The following DNM3 variants were observed in gnomAD, a reference collection of about 807,000 sequenced individuals.
DNM3 encodes dynamin 3, also known as dynamin-3.
A neutral mutation model predicts 101.6 loss-of-function variants in DNM3; 47 were observed. The observed-to-expected ratio is 0.46, with a 90% confidence interval of 0.37 to 0.59. The LOEUF (loss-of-function observed/expected upper bound fraction) is 0.59, where lower values mean the gene tolerates loss of function less well. Ranked by LOEUF, DNM3 falls within the 20% of genes least tolerant of loss-of-function variation. DNM3 has a pLI of 0.00. For missense variants in DNM3, 849 were observed against 1,085.7 expected (o/e 0.78, Z 3.06); for synonymous variants, 385 against 387.9 (o/e 0.99, Z 0.09).
intron 4 of DNM3, among the ~76,000 whole-genome samples, chr1:171,990,068 T>C (rs1430950641): frequency 6.6e-6 from 1 of 152,284 alleles, no homozygotes; most frequent in African/African-American, 2.4e-5. Context: ...ATATTTTTAC[T>C]TTGTGAATCT....
intron 17 of DNM3, among the ~76,000 whole-genome samples, chr1:172,329,755 G>C (rs1384713544): frequency 6.6e-6 from 1 of 151,950 alleles, no homozygotes; most frequent in Non-Finnish European, 1.5e-5. Context: ...TATTAAAAAA[G>C]CTAAAACAAA....
chr1:172,418,227 G>GC (rs1008425726), intron 20 of DNM3: 2 of 1,237,656 alleles, frequency 1.6e-6, no homozygotes, highest in Admixed American at 4.8e-5. Context: ...TTCTTCCTCT[G>GC]CATCTGTGTC....
At chr1:172,320,083 G>A (rs1009221594) in intron 16 of DNM3, among the ~76,000 whole-genome samples, 1 of 151,424 alleles carries the variant, frequency 6.6e-6, no homozygotes, top group Non-Finnish European at 1.5e-5. Flanking sequence ...TCCTTTGTAG[G>A]GACATGGATG....
intron 4 of DNM3, among the ~76,000 whole-genome samples, chr1:172,010,365 T>G (rs2047025245): frequency 6.6e-6 from 1 of 151,924 alleles, no homozygotes; most frequent in African/African-American, 2.4e-5. Context: ...AACTTACAAT[T>G]TCTTGTAGGA....
chr1:172,386,970 A>G, intron 18 of DNM3, 163 bp from the exon 19 acceptor site: 1 of 605,186 alleles, frequency 1.7e-6, no homozygotes, highest in Admixed American at 2.9e-5. Flanking sequence ...GGGGATAGAG[A>G]CAAAACAAAA....
chr1:172,172,794 C>T (rs536709935), intron 14 of DNM3, among the ~76,000 whole-genome samples: 6 of 151,870 alleles, frequency 4.0e-5, no homozygotes, highest in African/African-American at 9.6e-5. Flanking sequence ...CTTCCCATCC[C>T]GAGTAGGCAG....
rs1456444859 is a variant in DNM3, at chr1:172,147,767, GA to G, written c.1659+16486del. Among the ~76,000 whole-genome samples the G allele has an allele frequency of 2.0e-5, 3 of 152,098 alleles. No individual in the cohort carries two copies. In the East Asian group the frequency reaches 5.8e-4, roughly 29 times the overall value. On this transcript the variant is annotated intron_variant, in intron 14 of 20. Transcript: ENST00000627582. ...TTCAAACAATAGAGAGGTATGTCAA[GA>G]AAAAAATTAATCATCATTATCCATT...
chr1:172,386,516 T>C (rs2069189421), intron 18 of DNM3, among the ~76,000 whole-genome samples: 3 of 152,246 alleles, frequency 2.0e-5, no homozygotes, highest in South Asian at 4.1e-4. Flanking sequence ...TAACTTCTAT[T>C]GTAAACTTCT....
At chr1:172,364,932 A>G (rs1009768736) in intron 17 of DNM3, among the ~76,000 whole-genome samples, 5 of 151,892 alleles carry the variant, frequency 3.3e-5, no homozygotes, top group African/African-American at 1.2e-4. Context: ...GAAGCCAGGC[A>G]GATGCTAGTA....
chr1:172,205,003 AG>A (rs1220766821), intron 14 of DNM3, among the ~76,000 whole-genome samples: 3 of 152,184 alleles, frequency 2.0e-5, no homozygotes, highest in Non-Finnish European at 4.4e-5. Flanking sequence ...ATAATGGAAA[AG>A]AAAATAGTAG....
At chr1:172,074,495 T>C (rs753326189) in intron 11 of DNM3, among the ~76,000 whole-genome samples, 5 of 151,680 alleles carry the variant, frequency 3.3e-5, no homozygotes, top group Admixed American at 6.6e-5. Context: ...GGCCCTGGTG[T>C]GTGATGCTCC....
intron 4 of DNM3, among the ~76,000 whole-genome samples, chr1:172,027,245 A>G (rs965249501): frequency 6.6e-6 from 1 of 152,146 alleles, no homozygotes; most frequent in Non-Finnish European, 1.5e-5. Context: ...CACACATAAC[A>G]ATATTAACCT....
intron 4 of DNM3, among the ~76,000 whole-genome samples, chr1:172,028,427 G>A (rs2048363807): frequency 6.6e-6 from 1 of 152,202 alleles, no homozygotes; most frequent in Non-Finnish European, 1.5e-5. Context: ...AGTGTTTATA[G>A]AGGAAGTTAT....
intron 20 of DNM3, among the ~76,000 whole-genome samples, chr1:172,402,256 G>T (rs909843244): frequency 6.6e-6 from 1 of 152,076 alleles, no homozygotes; most frequent in African/African-American, 2.4e-5. Context: ...ATAGAAAATG[G>T]TTTTTGTAGA....
chr1:171,953,687 C>G (rs180950492), intron 2 of DNM3, among the ~76,000 whole-genome samples: 191 of 152,250 alleles, frequency 1.3e-3, no homozygotes, highest in Non-Finnish European at 1.4e-3. Context: ...CCTCAGCCTC[C>G]CAAAGTGCTG....
At chr1:172,171,453 T>C (rs1199774983) in intron 14 of DNM3, among the ~76,000 whole-genome samples, 3 of 151,790 alleles carry the variant, frequency 2.0e-5, no homozygotes, top group African/African-American at 7.2e-5. Flanking sequence ...TAAGAATGAG[T>C]TCCTCTGAGT....
chr1:171,891,149 C>G (rs1387593292), intron 1 of DNM3, among the ~76,000 whole-genome samples: 1 of 152,104 alleles, frequency 6.6e-6, no homozygotes, highest in Non-Finnish European at 1.5e-5. Context: ...GCTGCAATGA[C>G]CAATACAGTC....
Position 172,032,001 on chromosome 1 carries a change from C to T in DNM3, c.590-401C>T, listed in dbSNP as rs183200971. Among the ~76,000 whole-genome samples the T allele has an allele frequency of 3.6e-3, 548 of 152,258 alleles. 8 individuals carry two copies. The highest frequency in any genetic ancestry group is 0.013 in the African/African-American group (532 of 41,554). ...GACGCACTCTCATCATTGGTCCATG[C>T]ATAACCTATTTATTTGTTTATTTGC... On this transcript the variant is annotated intron_variant, in intron 4 of 20. Coordinates refer to ENST00000627582, the MANE Select transcript of DNM3 (RefSeq NM_015569.5).
intron 7 of DNM3, among the ~76,000 whole-genome samples, chr1:172,040,493 G>C (rs999359302): frequency 2.8e-4 from 41 of 149,088 alleles, no homozygotes; most frequent in African/African-American, 9.9e-4. Context: ...TTTTTTTCGT[G>C]TTTCTTTCTT....
Sources: gnomAD v4.1 joint callset for allele counts (sites outside exome capture counted in the v4.1 genomes callset) on GRCh38, gnomAD v4.1.1 for gene constraint, MANE v1.5 for transcripts, NCBI Gene and HGNC (gene_info 2026-07-23, HGNC 2026-07-21) for gene names.